Variants in NRXN1 observed in about 807,000 individuals in gnomAD.
NRXN1 encodes neurexin 1, also known as neurexin-1.
NRXN1 carries 39 observed loss-of-function variants against 150.9 expected under a neutral mutation model. The ratio of observed to expected loss-of-function variants is 0.26; its 90% CI spans 0.20 to 0.34. NRXN1 has a LOEUF of 0.34. Among genes scored for constraint, NRXN1 ranks in the 10% least tolerant of loss-of-function variants. The pLI, the probability that NRXN1 is intolerant of heterozygous loss-of-function variation, is 1.00. For synonymous variants in NRXN1, 924 were observed against 757.0 expected (o/e 1.22, Z -3.62); for missense variants, 1,815 against 1,949.9 (o/e 0.93, Z 1.30).
intron 21 of NRXN1, chr2:49,974,166 T>C (rs1479096916): frequency 2.8e-6 from 2 of 711,926 alleles, no homozygotes; most frequent in Non-Finnish European, 5.2e-6. Flanking sequence ...GGCCTATCAG[T>C]GCCCTGCACA....
chr2:50,120,276 G>A (rs1703683409), intron 18 of NRXN1, among the ~76,000 whole-genome samples: 1 of 127,702 alleles, frequency 7.8e-6, no homozygotes, highest in South Asian at 2.3e-4. Flanking sequence ...ATATGACTAG[G>A]GAACTCCAAA....
intron 5 of NRXN1, among the ~76,000 whole-genome samples, chr2:50,730,576 A>G (rs1211563357): frequency 3.3e-5 from 5 of 151,700 alleles, no homozygotes; most frequent in Admixed American, 2.6e-4. Context: ...CTCAGATGCT[A>G]TGTAATTTAT....
In NRXN1 at chr2:50,561,692, G is replaced by C. The variant is rs77020704; in HGVS notation, c.1321-8667C>G. Among the ~76,000 whole-genome samples the C allele has an allele frequency of 2.4e-3, 371 of 152,256 alleles. 16 individuals carry two copies. The East Asian group carries it at 0.05, about 20-fold the overall frequency. On this transcript the variant is annotated intron_variant, in intron 8 of 22. Coordinates refer to ENST00000401669, the MANE Select transcript of NRXN1 (RefSeq NM_001330078.2). ...GAAAAGGAACTGGAGCTTATTTAAA[G>C]GTGACTCCAACTTTAAAACTATGTT...
chr2:50,688,871 T>C (rs937011869), intron 5 of NRXN1, among the ~76,000 whole-genome samples: 1 of 152,138 alleles, frequency 6.6e-6, no homozygotes, highest in Non-Finnish European at 1.5e-5. Flanking sequence ...AATCACTTAG[T>C]TTGGTGCTTT....
chr2:50,758,054 T>C (rs1481637214), intron 5 of NRXN1: 1 of 151,814 alleles, frequency 6.6e-6, no homozygotes, highest in Non-Finnish European at 1.5e-5. Flanking sequence ...CTCTCCTGCA[T>C]TGCTTTATTG....
chr2:50,065,192 T>C (rs1425800665), intron 19 of NRXN1, among the ~76,000 whole-genome samples: 1 of 152,128 alleles, frequency 6.6e-6, no homozygotes, highest in Non-Finnish European at 1.5e-5. Context: ...CTTATTTAGG[T>C]TATCTTGTTT....
intron 5 of NRXN1, among the ~76,000 whole-genome samples, chr2:50,896,740 G>A (rs965085972): frequency 5.9e-5 from 9 of 152,072 alleles, no homozygotes; most frequent in East Asian, 3.9e-4. Context: ...CAGCTACTCA[G>A]GAGGCTGGGG....
At chr2:50,721,532 G>A (rs1696654668) in intron 5 of NRXN1, among the ~76,000 whole-genome samples, 2 of 152,158 alleles carry the variant, frequency 1.3e-5, no homozygotes, top group African/African-American at 4.8e-5. Context: ...CATATAATGT[G>A]TTCTCCTTTG....
At chr2:49,966,237 T>C (rs1676942211) in intron 21 of NRXN1, among the ~76,000 whole-genome samples, 1 of 152,146 alleles carries the variant, frequency 6.6e-6, no homozygotes, top group Admixed American at 6.5e-5. Flanking sequence ...CTGAGAAAAC[T>C]TCCTCATTTT....
intron 21 of NRXN1, among the ~76,000 whole-genome samples, chr2:49,946,569 A>T (rs1672934197): frequency 6.6e-6 from 1 of 152,140 alleles, no homozygotes; most frequent in Admixed American, 6.6e-5. Flanking sequence ...ATAAGGTGTA[A>T]GGAAGGGGTC....
chr2:50,850,744 T>C (rs1027334697), intron 5 of NRXN1, among the ~76,000 whole-genome samples: 8 of 38,482 alleles, frequency 2.1e-4, no homozygotes, highest in Non-Finnish European at 8.9e-4. Context: ...AAACTAAGGT[T>C]TTTTTTTTTC....
At chr2:50,970,571 C>T (rs1694842057) in intron 2 of NRXN1, among the ~76,000 whole-genome samples, 1 of 152,030 alleles carries the variant, frequency 6.6e-6, no homozygotes, top group Non-Finnish European at 1.5e-5. Flanking sequence ...TAACCAAACA[C>T]TCAAAGGACC....
chr2:50,761,145 G>A (rs1701752476), intron 5 of NRXN1, among the ~76,000 whole-genome samples: 1 of 151,822 alleles, frequency 6.6e-6, no homozygotes, highest in Non-Finnish European at 1.5e-5. Flanking sequence ...TCCCGTTTGG[G>A]CTTTCTAGCC....
intron 18 of NRXN1, among the ~76,000 whole-genome samples, chr2:50,196,315 C>T (rs568044528): frequency 1.3e-5 from 2 of 152,210 alleles, no homozygotes; most frequent in South Asian, 2.1e-4. Context: ...CTTTTAGATG[C>T]CCTTGTTCTA....
chr2:50,343,280 A>G (rs1458214717), intron 17 of NRXN1, among the ~76,000 whole-genome samples: 1 of 152,180 alleles, frequency 6.6e-6, no homozygotes, highest in African/African-American at 2.4e-5. Context: ...GGGAGCTGAG[A>G]TGGGAACCTA....
chr2:50,686,344 A>C (rs1691230468), intron 5 of NRXN1, among the ~76,000 whole-genome samples: 1 of 152,150 alleles, frequency 6.6e-6, no homozygotes, highest in African/African-American at 2.4e-5. Context: ...TTGACGTTGC[A>C]ACCAGAAATT....
At chr2:50,492,837 G>A (rs2091335305) in intron 15 of NRXN1, among the ~76,000 whole-genome samples, 1 of 152,200 alleles carries the variant, frequency 6.6e-6, no homozygotes, top group Admixed American at 6.5e-5. Flanking sequence ...TTAAAAGTGA[G>A]TTAAATTTGG....
chr2:50,954,700 G>T (rs527649061), intron 2 of NRXN1, among the ~76,000 whole-genome samples: 1 of 152,284 alleles, frequency 6.6e-6, no homozygotes, highest in Admixed American at 6.5e-5. Context: ...AGAGGGCCTG[G>T]CATGCAAAGC....
chr2:50,200,563 G>A (rs9309178), intron 18 of NRXN1, among the ~76,000 whole-genome samples: 55,215 of 151,890 alleles, frequency 0.36, 10,699 homozygotes, highest in Non-Finnish European at 0.42. Flanking sequence ...TGTAAATGGA[G>A]AGAACTAAAC....
Sources: allele counts gnomAD v4.1 joint callset (sites outside exome capture counted in the v4.1 genomes callset), GRCh38; gene constraint gnomAD v4.1.1; transcripts MANE v1.5; gene names NCBI Gene and HGNC (gene_info 2026-07-23, HGNC 2026-07-21).